Variants in FGF14 observed in about 807,000 individuals in gnomAD.
FGF14 encodes the protein fibroblast growth factor homologous factor 4.
A neutral mutation model predicts 25.5 loss-of-function variants in FGF14; 5 were observed. That is an observed-to-expected ratio of 0.20 (90% CI 0.10 to 0.41). FGF14 has a LOEUF of 0.41. Ranked by LOEUF, FGF14 falls within the 10% of genes least tolerant of loss-of-function variation. The probability of loss-of-function intolerance (pLI) is 1.00; values close to 1 mark genes in which losing one functional copy is unlikely to be tolerated. For missense variants in FGF14, 222 were observed against 320.1 expected, an observed-to-expected ratio of 0.69 and a Z score of 2.34; for synonymous variants, 138 against 118.3, an observed-to-expected ratio of 1.17 and a Z score of -1.08.
rs530541554 is a variant in FGF14, at chr13:102,108,203, G to A, written c.209-232907C>T. 4.7e-4 allele frequency among the ~76,000 whole-genome samples: 72 copies of A among 152,074 alleles called. 1 individual carries two copies. The highest frequency in any genetic ancestry group is 1.4e-3 in the African/African-American group (57 of 41,490). On this transcript the variant is annotated intron_variant, in intron 1 of 4. Coordinates refer to the FGF14 transcript ENST00000376131. Reference sequence around the variant, plus strand: ...AGATTAATTTTTGATCTTATCTATTGTATCAATTTTGGAGAAAATCAGTAC... The same window carrying A: ...AGATTAATTTTTGATCTTATCTATTATATCAATTTTGGAGAAAATCAGTAC...
intron 1 of FGF14, among the ~76,000 whole-genome samples, chr13:102,067,962 G>A (rs1457720636): frequency 6.6e-6 from 1 of 152,134 alleles, no homozygotes; most frequent in South Asian, 2.1e-4. Context: ...ACGTCTGGCA[G>A]CAGACTTCTC....
intron 1 of FGF14, among the ~76,000 whole-genome samples, chr13:101,878,527 A>G (rs1044280233): frequency 1.3e-5 from 2 of 152,194 alleles, no homozygotes; most frequent in African/African-American, 4.8e-5. Context: ...AGGGGGAAAA[A>G]TCCCATAGAG....
intron 1 of FGF14, among the ~76,000 whole-genome samples, chr13:101,996,493 A>C (rs1187113698): frequency 6.6e-6 from 1 of 152,234 alleles, no homozygotes; most frequent in African/African-American, 2.4e-5. Context: ...CATGAAAACA[A>C]CTAGGAGATG....
intron 1 of FGF14, among the ~76,000 whole-genome samples, chr13:102,165,865 G>A (rs1227288137): frequency 1.3e-5 from 2 of 151,600 alleles, no homozygotes; most frequent in Non-Finnish European, 2.9e-5. Flanking sequence ...GAGGCTGGAG[G>A]AAAGGGAAAC....
chr13:101,928,465 C>T (rs1194508812), intron 1 of FGF14, among the ~76,000 whole-genome samples: 1 of 151,710 alleles, frequency 6.6e-6, no homozygotes, highest in Non-Finnish European at 1.5e-5. Context: ...TCACTGAGCA[C>T]AGGATATTTT....
intron 3 of FGF14, among the ~76,000 whole-genome samples, chr13:101,860,840 T>C (rs982558786): frequency 2.6e-5 from 4 of 152,126 alleles, no homozygotes; most frequent in African/African-American, 9.6e-5. Flanking sequence ...CAAAATCATT[T>C]CAATAAGTCT....
chr13:102,109,683 C>T (rs903837184), intron 1 of FGF14, among the ~76,000 whole-genome samples: 15 of 152,116 alleles, frequency 9.9e-5, no homozygotes, highest in Admixed American at 2.6e-4. Context: ...AGCAGTGGCG[C>T]GATTTTGGTT....
chr13:102,012,000 T>C (rs562949292), intron 1 of FGF14, among the ~76,000 whole-genome samples: 4 of 152,322 alleles, frequency 2.6e-5, no homozygotes, highest in South Asian at 4.1e-4. Flanking sequence ...TACCCAAATA[T>C]GTTTGTTTGT....
intron 1 of FGF14, among the ~76,000 whole-genome samples, chr13:102,161,138 T>A (rs981459673): frequency 6.6e-6 from 1 of 152,182 alleles, no homozygotes; most frequent in African/African-American, 2.4e-5. Flanking sequence ...AAAATTTACA[T>A]GGATCATTAA....
At chr13:102,095,932 A>G (rs2044373046) in intron 1 of FGF14, among the ~76,000 whole-genome samples, 1 of 151,228 alleles carries the variant, frequency 6.6e-6, no homozygotes, top group Admixed American at 6.6e-5. Flanking sequence ...AGCACCCCAA[A>G]CCTTCATGTT....
intron 1 of FGF14, among the ~76,000 whole-genome samples, chr13:102,353,361 C>G (rs887704901): frequency 2.0e-4 from 30 of 152,124 alleles, no homozygotes; most frequent in Non-Finnish European, 1.8e-4. Flanking sequence ...ACTTGGTGAT[C>G]TCATCAACCC....
chr13:102,095,658 A>G (rs2044359874), intron 1 of FGF14, among the ~76,000 whole-genome samples: 1 of 152,118 alleles, frequency 6.6e-6, no homozygotes, highest in South Asian at 2.1e-4. Context: ...AGCCTACTCA[A>G]TGTGAAGACA....
intron 1 of FGF14, among the ~76,000 whole-genome samples, chr13:102,090,223 A>G (rs2044104446): frequency 6.6e-6 from 1 of 152,246 alleles, no homozygotes. Flanking sequence ...AGCCATTTCT[A>G]TTACAGGCTT....
At chr13:102,398,882 A>G (rs2058639444) in intron 1 of FGF14, among the ~76,000 whole-genome samples, 1 of 144,934 alleles carries the variant, frequency 6.9e-6, no homozygotes, top group Non-Finnish European at 1.5e-5. Flanking sequence ...TATATTATAT[A>G]TATGTATAAT....
chr13:101,891,638 AATTTT>A (rs2029861502), intron 1 of FGF14, among the ~76,000 whole-genome samples: 1 of 152,134 alleles, frequency 6.6e-6, no homozygotes, highest in Admixed American at 6.6e-5. Flanking sequence ...TTAATGCACT[AATTTT>A]ATTTATGTAA....
intron 1 of FGF14, among the ~76,000 whole-genome samples, chr13:102,016,302 CCTG>C (rs1437239927): frequency 6.6e-6 from 1 of 151,944 alleles, no homozygotes; most frequent in Admixed American, 6.6e-5. Context: ...TTTTAACTAA[CCTG>C]CTATCAGGAT....
intron 1 of FGF14, among the ~76,000 whole-genome samples, chr13:102,213,081 A>G (rs988830482): frequency 1.3e-5 from 2 of 152,232 alleles, no homozygotes; most frequent in African/African-American, 4.8e-5. Flanking sequence ...GATTTCTTCG[A>G]AAACAGCTCT....
At chr13:102,391,222 G>C (rs933932431) in intron 1 of FGF14, among the ~76,000 whole-genome samples, 5 of 152,164 alleles carry the variant, frequency 3.3e-5, no homozygotes, top group Admixed American at 2.0e-4. Context: ...CAGGGAGAAG[G>C]AGACAAAGGG....
intron 2 of FGF14, among the ~76,000 whole-genome samples, chr13:101,870,178 T>TC (rs1461507678): frequency 6.6e-6 from 1 of 152,084 alleles, no homozygotes; most frequent in Non-Finnish European, 1.5e-5. Flanking sequence ...TTTCCTCATT[T>TC]CCATTATTTA....
Sources: gnomAD v4.1 joint callset for allele counts (sites outside exome capture counted in the v4.1 genomes callset) on GRCh38, gnomAD v4.1.1 for gene constraint, MANE v1.5 for transcripts, NCBI Gene and HGNC (gene_info 2026-07-23, HGNC 2026-07-21) for gene names.